The following PCDH11X variants were observed in gnomAD, a reference collection of about 807,000 sequenced individuals.
PCDH11X encodes the protein protocadherin 11 X-linked, also known as protocadherin-11 X-linked.
Under a neutral mutation model 53.3 loss-of-function variants are expected in PCDH11X, and 18 were observed. The ratio of observed to expected loss-of-function variants is 0.34; its 90% confidence interval spans 0.23 to 0.50. The LOEUF (loss-of-function observed/expected upper bound fraction) is 0.50, where lower values mean the gene tolerates loss of function less well. Ranked by LOEUF, PCDH11X falls within the 20% of genes least tolerant of loss-of-function variation. PCDH11X has a pLI of 0.98. For missense variants in PCDH11X, 570 were observed against 1,032.4 expected, an observed-to-expected ratio of 0.55 and a Z score of 6.14; for synonymous variants, 279 against 393.3, an observed-to-expected ratio of 0.71 and a Z score of 3.44.
intron 8 of PCDH11X, among the ~76,000 whole-genome samples, chrX:92,359,344 T>A (rs1163876309): frequency 9.1e-6 from 1 of 109,520 alleles, no homozygotes; most frequent in Non-Finnish European, 1.9e-5. Flanking sequence ...GTCTATAAGG[T>A]ACTACCTTAG....
At chrX:91,902,291 T>G (rs1376513386) in intron 6 of PCDH11X, among the ~76,000 whole-genome samples, 2 of 110,380 alleles carry the variant, frequency 1.8e-5, no homozygotes. Flanking sequence ...ATATGTCTCA[T>G]GTAGTTAGCA....
rs1928367716 is a variant in PCDH11X at position 92,619,970 on chromosome X, A to G, written c.*1030A>G. 9.1e-6 allele frequency: 1 copy of G among 110,076 alleles called. No homozygotes were observed. The highest frequency in any genetic ancestry group is 1.9e-5 in the Non-Finnish European group (1 of 52,955). The allele number at this position is 110,076 out of a possible 1,213,427, so 9.1% of individuals were successfully genotyped here. ...TACCAAAGGGTGTTCAGTAAAAATA[A>G]CAAATACATGTAACTGTAGATAAAA... On this transcript the variant is annotated 3_prime_UTR_variant, in exon 11 of 11. Transcript: ENST00000682573.
At chrX:91,814,423 C>T (rs1034943644) in intron 4 of PCDH11X, among the ~76,000 whole-genome samples, 1 of 109,556 alleles carries the variant, frequency 9.1e-6, no homozygotes, top group Admixed American at 9.9e-5. Flanking sequence ...TATAATCATT[C>T]GTCTTTTAAA....
At chrX:92,314,023 G>A (rs188118579) in intron 8 of PCDH11X, among the ~76,000 whole-genome samples, 134 of 111,156 alleles carry the variant, frequency 1.2e-3, no homozygotes, top group African/African-American at 4.1e-3. Context: ...TAAATCGAAG[G>A]AAGTCTATTT....
intron 9 of PCDH11X, among the ~76,000 whole-genome samples, chrX:92,461,618 T>C (rs879196757): frequency 2.7e-5 from 3 of 111,879 alleles, no homozygotes; most frequent in Non-Finnish European, 3.8e-5. Flanking sequence ...CAAGAAAACA[T>C]TGGAGAAACT....
intron 10 of PCDH11X, among the ~76,000 whole-genome samples, chrX:92,590,997 C>G (rs1443708422): frequency 9.0e-6 from 1 of 110,888 alleles, no homozygotes; most frequent in Non-Finnish European, 1.9e-5. Context: ...TCAAAGAAAA[C>G]AGGGAGCAAA....
intron 6 of PCDH11X, among the ~76,000 whole-genome samples, chrX:92,170,439 A>G: frequency 9.0e-6 from 1 of 110,706 alleles, no homozygotes; most frequent in Non-Finnish European, 1.9e-5. Context: ...ATTGGAAAAG[A>G]ATGAGAAAAT....
At chrX:92,407,872 T>G (rs937986539) in intron 9 of PCDH11X, among the ~76,000 whole-genome samples, 5 of 111,163 alleles carry the variant, frequency 4.5e-5, no homozygotes, top group African/African-American at 1.6e-4. Context: ...AAGTGTTTTT[T>G]TTTGTTTGTT....
intron 7 of PCDH11X, among the ~76,000 whole-genome samples, chrX:92,259,331 C>T (rs925045293): frequency 1.8e-5 from 2 of 111,332 alleles, no homozygotes; most frequent in African/African-American, 3.3e-5. Context: ...GTTTAACTGG[C>T]TCACAGTTAT....
At chrX:92,340,618 G>T (rs2069732511) in intron 8 of PCDH11X, among the ~76,000 whole-genome samples, 1 of 111,987 alleles carries the variant, frequency 8.9e-6, no homozygotes. Context: ...TTAGAGCTGA[G>T]ACTGGAAACA....
chrX:92,379,643 G>A (rs751951444), intron 8 of PCDH11X, among the ~76,000 whole-genome samples: 3 of 109,379 alleles, frequency 2.7e-5, no homozygotes, highest in African/African-American at 1.0e-4. Flanking sequence ...CTGGGGGCCC[G>A]TTGGCCAGTT....
chrX:91,886,342 G>T (rs973863726), intron 6 of PCDH11X, among the ~76,000 whole-genome samples: 7 of 110,951 alleles, frequency 6.3e-5, no homozygotes, highest in Non-Finnish European at 1.1e-4. Flanking sequence ...GGAACTTGTA[G>T]TGAACTTTGT....
chrX:92,244,067 T>A (rs185894521), intron 7 of PCDH11X, among the ~76,000 whole-genome samples: 1 of 110,140 alleles, frequency 9.1e-6, no homozygotes, highest in East Asian at 2.9e-4. Context: ...TGAGCCACAA[T>A]TAGAATGAAT....
At chrX:91,907,940 A>G (rs1602473074) in intron 6 of PCDH11X, among the ~76,000 whole-genome samples, 1 of 111,463 alleles carries the variant, frequency 9.0e-6, no homozygotes, top group East Asian at 2.8e-4. Flanking sequence ...AGCTCCATCC[A>G]TGTCCCTGCA....
intron 8 of PCDH11X, among the ~76,000 whole-genome samples, chrX:92,278,579 TG>T (rs1321690112): frequency 9.1e-6 from 1 of 109,563 alleles, no homozygotes; most frequent in Non-Finnish European, 1.9e-5. Context: ...AGGTGCTCAG[TG>T]GGGGAGCTTC....
chrX:92,313,421 A>G lies in PCDH11X; in HGVS notation c.3144+50278A>G, dbSNP rs1393957766. 3.0e-5 allele frequency among the ~76,000 whole-genome samples: 3 copies of G among 98,706 alleles called. No individual in the cohort carries two copies. The East Asian group carries it at 9.2e-4, about 30-fold the overall frequency. The allele number at this position is 98,706 out of a possible 115,157, so 85.7% of individuals were successfully genotyped here. A position where few individuals can be genotyped will look rare whatever the true frequency, so the allele number is the denominator to read the frequency against. ...ACCTATACTCTTTCCATCATTATACACTTCCTTCACATTAAAGAAAAGATA... is the reference window on the plus strand; with the variant it reads ...ACCTATACTCTTTCCATCATTATACGCTTCCTTCACATTAAAGAAAAGATA... On this transcript the variant is annotated intron_variant, in intron 8 of 10. Transcript: ENST00000682573.
rs1928529621 is a variant in PCDH11X at position 92,621,859 on chromosome X, A to G, written c.*2919A>G. On this transcript the variant is annotated 3_prime_UTR_variant, in exon 11 of 11. Transcript: ENST00000682573. ...CTTCAAGCTGAATGACTTATATGAGAATAATACGTTCAATCAAAGTAGTTA... is the reference window on the plus strand; with the variant it reads ...CTTCAAGCTGAATGACTTATATGAGGATAATACGTTCAATCAAAGTAGTTA... 9.0e-6 allele frequency: 1 copy of G among 111,282 alleles called. No homozygotes were observed. Among genetic ancestry groups the G allele is most frequent in the African/African-American group, 3.3e-5 (1 of 30,601 alleles). 9.2% of individuals were successfully genotyped at this position (111,282 alleles called of 1,213,427 possible). A position where few individuals can be genotyped will look rare whatever the true frequency, so the allele number is the denominator to read the frequency against.
At chrX:92,141,977 T>A (rs60555168) in intron 6 of PCDH11X, among the ~76,000 whole-genome samples, 4,457 of 110,789 alleles carry the variant, frequency 0.04, 209 homozygotes, top group African/African-American at 0.14. Flanking sequence ...TTTGAGTAAA[T>A]CTTATCAGAC....
In PCDH11X at chrX:91,811,327, G is replaced by A. The variant is rs377306789; in HGVS notation, c.-45+32G>A. ...TTCATATATATTAAATATCATATAC[G>A]TCTCCTTTCCTCTGGGTCTTTTCAG... On this transcript the variant is annotated intron_variant, in intron 4 of 10. Coordinates refer to ENST00000682573, the MANE Select transcript of PCDH11X (RefSeq NM_032968.5). 114 of 1,101,478 alleles carry A rather than the reference G, an allele frequency of 1.0e-4. No homozygotes were observed. The African/African-American group carries it at 1.6e-3, about 15-fold the overall frequency. The allele number at this position is 1,101,478 out of a possible 1,213,427, so 90.8% of individuals were successfully genotyped here. A position where few individuals can be genotyped will look rare whatever the true frequency, so the allele number is the denominator to read the frequency against.
Sources: allele counts gnomAD v4.1 joint callset (sites outside exome capture counted in the v4.1 genomes callset), GRCh38; gene constraint gnomAD v4.1.1; transcripts MANE v1.5; gene names NCBI Gene and HGNC (gene_info 2026-07-23, HGNC 2026-07-21).